PTPN4: variants seen among roughly 807,000 people sequenced by gnomAD.
PTPN4 encodes the protein protein tyrosine phosphatase non-receptor type 4.
In PTPN4, 49 loss-of-function variants were observed where a neutral mutation model predicts 135.5. That is an observed-to-expected ratio of 0.36 (90% CI 0.29 to 0.46). The LOEUF is 0.46. PTPN4 is among the 20% of genes least tolerant of loss of function. PTPN4 has a pLI of 1.00. For missense variants in PTPN4, 860 were observed against 1,101.0 expected (o/e 0.78, Z 3.10); for synonymous variants, 333 against 369.9 (o/e 0.90, Z 1.14).
chr2:119,868,189 T>C (rs1280147241), intron 3 of PTPN4, among the ~76,000 whole-genome samples: 5 of 152,140 alleles, frequency 3.3e-5, no homozygotes, highest in African/African-American at 1.2e-4. Flanking sequence ...TTAATAAATA[T>C]TTAAAGATGC....
At chr2:119,787,054 A>G (rs1177583627) in intron 1 of PTPN4, among the ~76,000 whole-genome samples, 1 of 152,188 alleles carries the variant, frequency 6.6e-6, no homozygotes, top group Admixed American at 6.5e-5. Context: ...AAAGGCTAAT[A>G]GGAAACTCGT....
At chr2:119,904,727 G>T (rs1056547509) in intron 10 of PTPN4, among the ~76,000 whole-genome samples, 1 of 152,166 alleles carries the variant, frequency 6.6e-6, no homozygotes, top group South Asian at 2.1e-4. Flanking sequence ...GGCCAGGAGC[G>T]AATATGGTGG....
At chr2:119,866,906 C>T (rs1272816933) in intron 3 of PTPN4, among the ~76,000 whole-genome samples, 2 of 152,116 alleles carry the variant, frequency 1.3e-5, no homozygotes, top group East Asian at 3.9e-4. Context: ...GTTGTGTAAT[C>T]CTCTTTGGTA....
chr2:119,770,139 G>A (rs185330743), intron 1 of PTPN4, among the ~76,000 whole-genome samples: 2 of 152,274 alleles, frequency 1.3e-5, no homozygotes, highest in Admixed American at 6.5e-5. Context: ...CACTGTGCTT[G>A]GCTGTGGGGA....
intron 1 of PTPN4, among the ~76,000 whole-genome samples, chr2:119,765,700 C>T (rs1255855737): frequency 6.6e-6 from 1 of 152,124 alleles, no homozygotes; most frequent in African/African-American, 2.4e-5. Flanking sequence ...ATTAACAATT[C>T]ATAGTGACAG....
At chr2:119,970,776 A>G (rs1164795721) in intron 26 of PTPN4, among the ~76,000 whole-genome samples, 1 of 152,168 alleles carries the variant, frequency 6.6e-6, no homozygotes, top group Non-Finnish European at 1.5e-5. Context: ...ATGAATTTTT[A>G]TGTGAACATA....
chr2:119,879,208 T>C (rs967060388), intron 5 of PTPN4, among the ~76,000 whole-genome samples: 2 of 152,232 alleles, frequency 1.3e-5, no homozygotes, highest in South Asian at 2.1e-4. Flanking sequence ...TGTACTTCAC[T>C]TGAAAAACTG....
chr2:119,853,704 A>C (rs1041438594), intron 2 of PTPN4, among the ~76,000 whole-genome samples: 1 of 152,152 alleles, frequency 6.6e-6, no homozygotes, highest in African/African-American at 2.4e-5. Flanking sequence ...GCCTTTAAAC[A>C]TTTATTCTTA....
At chr2:119,958,906 T>C (rs1679326821) in intron 22 of PTPN4, among the ~76,000 whole-genome samples, 1 of 152,124 alleles carries the variant, frequency 6.6e-6, no homozygotes, top group Admixed American at 6.5e-5. Flanking sequence ...GTCAGCACTT[T>C]AAAACTACAC....
At chr2:119,932,953 T>G (rs1279896817) in intron 14 of PTPN4, among the ~76,000 whole-genome samples, 1 of 152,194 alleles carries the variant, frequency 6.6e-6, no homozygotes, top group Non-Finnish European at 1.5e-5. Context: ...GTGATTGGGA[T>G]TCTCTTAAAC....
Position 119,934,850 on chromosome 2 carries a change from T to C in PTPN4, c.1247T>C (p.Val416Ala). The C allele has an allele frequency of 2.5e-6, 4 of 1,613,662 alleles. No homozygotes were observed. The East Asian group carries it at 8.9e-5, about 36-fold the overall frequency. Residue 416 changes from valine to alanine, a missense_variant, in exon 15 of 27, where the codon GTT (valine) becomes GCT (alanine). This residue lies in a region of PTPN4 where 684 missense variants were observed against 807.0 expected (regional missense o/e 0.85). Coordinates refer to ENST00000263708, the MANE Select transcript of PTPN4 (RefSeq NM_002830.4). ...GGAACCCGGTTACGACCATCTTCAGTTGGTCATTTGGTAGACCATATGGTT... is the reference window on the plus strand; with the variant it reads ...GGAACCCGGTTACGACCATCTTCAGCTGGTCATTTGGTAGACCATATGGTT... ...QEGTRLRPSS[V>A]GHLVDHMVHT...
intron 15 of PTPN4, among the ~76,000 whole-genome samples, chr2:119,937,718 A>G (rs1054339689): frequency 3.3e-5 from 5 of 152,218 alleles, no homozygotes; most frequent in Admixed American, 1.3e-4. Context: ...TGCTACCAGC[A>G]TAGTACACTC....
chr2:119,798,460 C>T (rs190469041), intron 1 of PTPN4, among the ~76,000 whole-genome samples: 177 of 152,306 alleles, frequency 1.2e-3, no homozygotes, highest in African/African-American at 3.8e-3. Context: ...AGCCACCATG[C>T]GCGGCCAACT....
intron 2 of PTPN4, among the ~76,000 whole-genome samples, chr2:119,851,814 A>AT (rs1677597280): frequency 6.6e-6 from 1 of 152,136 alleles, no homozygotes; most frequent in Admixed American, 6.5e-5. Flanking sequence ...CGGCTGCTGA[A>AT]TTATCTTTAG....
At chr2:119,793,282 A>G (rs1378102312) in intron 1 of PTPN4, among the ~76,000 whole-genome samples, 3 of 152,230 alleles carry the variant, frequency 2.0e-5, no homozygotes, top group Non-Finnish European at 1.5e-5. Context: ...GAAAGAATTC[A>G]GCGATGTTTC....
At chr2:119,922,159 A>G (rs2105029988) in intron 12 of PTPN4, among the ~76,000 whole-genome samples, 1 of 151,772 alleles carries the variant, frequency 6.6e-6, no homozygotes, top group Non-Finnish European at 1.5e-5. Flanking sequence ...TCATCACTGA[A>G]ACAGAAGGAA....
intron 13 of PTPN4, among the ~76,000 whole-genome samples, chr2:119,930,403 G>A (rs898113422): frequency 2.0e-5 from 3 of 151,634 alleles, no homozygotes; most frequent in Non-Finnish European, 2.9e-5. Context: ...ATTTTTCGTG[G>A]TTTAGTAAAA....
intron 2 of PTPN4, among the ~76,000 whole-genome samples, chr2:119,819,981 C>G (rs1677040534): frequency 6.6e-6 from 1 of 152,170 alleles, no homozygotes; most frequent in Non-Finnish European, 1.5e-5. Context: ...CCCACCTCAA[C>G]TTCCCAAGTA....
chr2:119,946,266 A>C (rs2289581), intron 16 of PTPN4, 75 bp from the exon 17 acceptor site: 8 of 1,150,296 alleles, frequency 7.0e-6, no homozygotes, highest in Non-Finnish European at 9.9e-6. Flanking sequence ...CATACAAAAA[A>C]TATGCTTCCT....
Sources: gnomAD v4.1 joint callset for allele counts (sites outside exome capture counted in the v4.1 genomes callset) on GRCh38, gnomAD v4.1.1 for gene constraint, gnomAD v4.1.1 regional missense constraint, MANE v1.5 for transcripts, NCBI Gene and HGNC (gene_info 2026-07-23, HGNC 2026-07-21) for gene names.